The following PGM2L1 variants were observed in gnomAD, a reference collection of about 807,000 sequenced individuals.
The protein encoded by PGM2L1 is phosphoglucomutase 2 like 1.
A neutral mutation model predicts 73.4 loss-of-function variants in PGM2L1; 35 were observed. The ratio of observed to expected loss-of-function variants is 0.48; its 90% CI spans 0.36 to 0.63. The LOEUF (loss-of-function observed/expected upper bound fraction) is 0.63. Among genes scored for constraint, PGM2L1 ranks in the 30% least tolerant of loss-of-function variants. The pLI is 0.00. For missense variants in PGM2L1, 570 were observed against 742.0 expected, an observed-to-expected ratio of 0.77 and a Z score of 2.69; for synonymous variants, 225 against 253.8, an observed-to-expected ratio of 0.89 and a Z score of 1.08.
intron 1 of PGM2L1, 152 bp from the exon 2 acceptor site, chr11:74,374,734 C>A (rs1862831549): frequency 1.6e-6 from 1 of 626,182 alleles, no homozygotes; most frequent in African/African-American, 1.8e-5. Context: ...TAAAATAATA[C>A]CTGCCATTCA....
Position 74,347,267 on chromosome 11 carries a change from G to T in PGM2L1, c.820C>A (p.Gln274Lys), listed in dbSNP as rs139328516. The T allele has an allele frequency of 1.6e-4, 259 of 1,612,924 alleles. No individual in the cohort carries two copies. The highest frequency in any genetic ancestry group is 2.1e-4 in the Non-Finnish European group (246 of 1,179,434). Residue 274 changes from glutamine (Q) to lysine (K), a missense_variant, in exon 7 of 14, where the codon CAG becomes AAG. By Grantham distance (53) the Gln-to-Lys change is moderately conservative. Transcript: ENST00000298198. ...SFHGVGHDYV[Q>K]LAFKVFGFKP... ...AAACCAAACACTTTAAAAGCCAACT[G>T]CACATAGTCATGTCCGACCCCATGA...
Position 74,346,619 on chromosome 11 carries a change from A to T in PGM2L1, c.1037+113T>A, listed in dbSNP as rs1442027557. 11 of 776,552 alleles carry T rather than the reference A, an allele frequency of 1.4e-5. No homozygotes were observed. In the East Asian group the frequency reaches 2.7e-4, roughly 19 times the overall value. The allele number at this position is 776,552 out of a possible 1,614,324, so 48.1% of individuals were successfully genotyped here. A position where few individuals can be genotyped will look rare whatever the true frequency, so the allele number is the denominator to read the frequency against. On this transcript the variant is annotated intron_variant, in intron 8 of 13. Transcript: ENST00000298198. ...GGTTATTTTGGGATAATGGATTTAC[A>T]GGAAATTTATGTTCTTTTCTTATCT...
At chr11:74,343,120 G>C in intron 10 of PGM2L1, 106 bp from the exon 11 acceptor site, 2 of 1,414,832 alleles carry the variant, frequency 1.4e-6, no homozygotes. Flanking sequence ...CCTAGTAATA[G>C]ATGAAACTCA....
rs770253270 is a variant in PGM2L1, at chr11:74,331,167, A to T, written c.*5485T>A. The T allele has an allele frequency of 2.8e-4, 43 of 152,218 alleles. No individual in the cohort carries two copies. Among genetic ancestry groups the T allele is most frequent in the Admixed American group, 9.2e-4 (14 of 15,284 alleles). The allele number at this position is 152,218 out of a possible 1,614,324, so 9.4% of individuals were successfully genotyped here. On this transcript the variant is annotated 3_prime_UTR_variant, in exon 14 of 14. Coordinates refer to ENST00000298198, the MANE Select transcript of PGM2L1 (RefSeq NM_173582.6). The stretch of plus-strand genomic sequence containing the variant: ...TTAGTCAAGGAATGCCAATAGTAAC[A>T]AAACTGTTTCAGGTCAGTTTAGTTT...
intron 12 of PGM2L1, among the ~76,000 whole-genome samples, chr11:74,341,456 C>T (rs1050808696): frequency 1.3e-5 from 2 of 152,006 alleles, no homozygotes; most frequent in Non-Finnish European, 2.9e-5. Context: ...TTTTGGGAGG[C>T]CGAGGTGGGC....
chr11:74,344,207 A>C (rs980731905), intron 9 of PGM2L1, among the ~76,000 whole-genome samples: 18 of 152,110 alleles, frequency 1.2e-4, no homozygotes, highest in African/African-American at 4.3e-4. Flanking sequence ...GCTTCTCAGA[A>C]ACTGTCCTTT....
At chr11:74,397,186 A>G (rs1289002630) in intron 1 of PGM2L1, among the ~76,000 whole-genome samples, 1 of 152,226 alleles carries the variant, frequency 6.6e-6, no homozygotes. Flanking sequence ...CTCTACTTCA[A>G]CAAAGGTATT....
Position 74,336,562 on chromosome 11 carries a change from G to T in PGM2L1, c.*90C>A. On this transcript the variant is annotated 3_prime_UTR_variant, in exon 14 of 14. Coordinates refer to ENST00000298198, the MANE Select transcript of PGM2L1 (RefSeq NM_173582.6). ...AAGATACTCGGCCAGATGAGATAGA[G>T]AGAGAATGCTAACACAAGGTTCAAT... 1 of 746,414 alleles carries T rather than the reference G, an allele frequency of 1.3e-6. No individual in the cohort carries two copies. Among genetic ancestry groups the T allele is most frequent in the Non-Finnish European group, 2.1e-6 (1 of 482,146 alleles). 46.2% of individuals were successfully genotyped at this position (746,414 alleles called of 1,614,324 possible). A position where few individuals can be genotyped will look rare whatever the true frequency, so the allele number is the denominator to read the frequency against.
At chr11:74,389,354 A>G (rs995777500) in intron 1 of PGM2L1, among the ~76,000 whole-genome samples, 5 of 152,252 alleles carry the variant, frequency 3.3e-5, no homozygotes, top group African/African-American at 1.2e-4. Context: ...AAAACCTGGA[A>G]GAATCAAATG....
intron 5 of PGM2L1, among the ~76,000 whole-genome samples, chr11:74,359,239 T>C (rs1223158482): frequency 1.3e-5 from 2 of 152,148 alleles, no homozygotes; most frequent in African/African-American, 4.8e-5. Context: ...CTGCTATGTA[T>C]AAACAGTGCC....
At chr11:74,373,085 A>C (rs558560928) in intron 2 of PGM2L1, among the ~76,000 whole-genome samples, 2 of 152,340 alleles carry the variant, frequency 1.3e-5, no homozygotes, top group East Asian at 3.9e-4. Flanking sequence ...GAAAAGGGCT[A>C]GGGCTTAAGA....
intron 6 of PGM2L1, 23 bp from the exon 7 acceptor site, chr11:74,347,360 G>T: frequency 2.6e-6 from 4 of 1,529,118 alleles, no homozygotes; most frequent in Non-Finnish European, 3.5e-6. Context: ...ATCAACATAA[G>T]ATCATGATTA....
intron 5 of PGM2L1, among the ~76,000 whole-genome samples, chr11:74,358,500 A>G (rs1052792083): frequency 3.3e-5 from 5 of 152,222 alleles, no homozygotes; most frequent in African/African-American, 1.2e-4. Context: ...ATACAGGATA[A>G]AGGCCGTCAT....
At chr11:74,343,212 G>C in intron 10 of PGM2L1, 111 bp downstream of exon 10, 1 of 1,357,944 alleles carries the variant, frequency 7.4e-7, no homozygotes, top group Non-Finnish European at 9.7e-7. Context: ...CTCATTCTCT[G>C]TAGTTTTTAC....
chr11:74,360,687 G>A (rs1862548749), intron 5 of PGM2L1, among the ~76,000 whole-genome samples: 1 of 152,094 alleles, frequency 6.6e-6, no homozygotes, highest in South Asian at 2.1e-4. Flanking sequence ...CTGGAAAATC[G>A]GGTAACTCCC....
chr11:74,362,048 C>T (rs549398161), intron 5 of PGM2L1, among the ~76,000 whole-genome samples: 11 of 152,232 alleles, frequency 7.2e-5, no homozygotes, highest in East Asian at 3.9e-4. Flanking sequence ...ATACACAGAA[C>T]GCCACAAAGA....
At chr11:74,380,982 G>A (rs1862934381) in intron 1 of PGM2L1, among the ~76,000 whole-genome samples, 1 of 152,124 alleles carries the variant, frequency 6.6e-6, no homozygotes, top group South Asian at 2.1e-4. Context: ...TGCTTAGCTA[G>A]ATCATCCTGA....
At chr11:74,351,270 A>G in intron 6 of PGM2L1, 113 bp downstream of exon 6, 1 of 1,019,020 alleles carries the variant, frequency 9.8e-7, no homozygotes, top group Non-Finnish European at 1.4e-6. Flanking sequence ...TATGAGTACT[A>G]TTTAGCTATA....
chr11:74,345,613 T>C lies in PGM2L1; in HGVS notation c.1074A>G (p.Ala358=), dbSNP rs201467923. 2 of 1,613,872 alleles carry C rather than the reference T, an allele frequency of 1.2e-6. No homozygotes were observed. The highest frequency in any genetic ancestry group is 1.7e-6 in the Non-Finnish European group (2 of 1,179,906). The change falls in exon 9 of 14, where the codon GCA becomes GCG. Residue 358 remains alanine, a synonymous_variant. Transcript: ENST00000298198. ...CWKVFTGNEL[A]ALFGWWMFDC... is the part of the protein sequence containing the mutation. ...CAAACATCCACCATCCAAACAAAGCTGCCAACTCATTCCCTGTGAAAACTT... is the reference window on the plus strand; with the variant it reads ...CAAACATCCACCATCCAAACAAAGCCGCCAACTCATTCCCTGTGAAAACTT...
Sources: allele counts gnomAD v4.1 joint callset (sites outside exome capture counted in the v4.1 genomes callset), GRCh38; gene constraint gnomAD v4.1.1; transcripts MANE v1.5; gene names NCBI Gene and HGNC (gene_info 2026-07-23, HGNC 2026-07-21).